The following ABTB3 variants were observed in gnomAD, a reference collection of about 807,000 sequenced individuals.
ABTB3 encodes the protein ankyrin repeat- and BTB/POZ domain-containing protein 3.
At chr12:107,444,252 T>C in the ABTB3 span, among the ~76,000 whole-genome samples, 1 of 152,320 alleles carries the variant, frequency 6.6e-6, no homozygotes, top group East Asian at 1.9e-4. Context: ...TTCTACAGCA[T>C]AGCCGAGGGG....
the ABTB3 span, among the ~76,000 whole-genome samples, chr12:107,560,687 A>G: frequency 2.6e-5 from 4 of 152,198 alleles, no homozygotes; most frequent in African/African-American, 9.6e-5. Context: ...GGGCTGCTCT[A>G]GGGATTGCCG....
the ABTB3 span, among the ~76,000 whole-genome samples, chr12:107,420,215 T>A: frequency 6.6e-6 from 1 of 152,198 alleles, no homozygotes; most frequent in South Asian, 2.1e-4. Context: ...TTCTTGATCT[T>A]TCTGATCCAC....
the ABTB3 span, among the ~76,000 whole-genome samples, chr12:107,454,686 C>T: frequency 6.6e-6 from 1 of 152,118 alleles, no homozygotes; most frequent in South Asian, 2.1e-4. Flanking sequence ...TGGGTGGGGT[C>T]CTTCCTGGGC....
the ABTB3 span, among the ~76,000 whole-genome samples, chr12:107,493,075 G>GAGAAA: frequency 1.5e-5 from 2 of 135,864 alleles, 1 homozygote; most frequent in Non-Finnish European, 3.1e-5. Context: ...CCAAGCCACA[G>GAGAAA]AGAAAAGAAA....
the ABTB3 span, among the ~76,000 whole-genome samples, chr12:107,458,152 C>G: frequency 6.6e-6 from 1 of 152,148 alleles, no homozygotes; most frequent in African/African-American, 2.4e-5. Context: ...TCTAATGTCC[C>G]CCTTTTTCCC....
chr12:107,614,528 G>A, the ABTB3 span, among the ~76,000 whole-genome samples: 1 of 152,086 alleles, frequency 6.6e-6, no homozygotes, highest in Non-Finnish European at 1.5e-5. Context: ...AAGTGTGGAT[G>A]GCATGGTAGT....
chr12:107,398,115 C>T, the ABTB3 span, among the ~76,000 whole-genome samples: 854 of 152,184 alleles, frequency 5.6e-3, 10 homozygotes, highest in African/African-American at 0.018. Context: ...AATTACAGAC[C>T]TTTCCATTAC....
chr12:107,649,158 A>G, the ABTB3 span: 2 of 1,537,686 alleles, frequency 1.3e-6, no homozygotes, highest in Non-Finnish European at 1.8e-6. Context: ...AATGGCTTTG[A>G]GATGATGCGT....
chr12:107,586,705 G>A, the ABTB3 span, among the ~76,000 whole-genome samples: 2 of 152,186 alleles, frequency 1.3e-5, no homozygotes, highest in African/African-American at 2.4e-5. Flanking sequence ...GAGACAGGCC[G>A]CGGAGCCTGC....
At chr12:107,474,828 T>A in the ABTB3 span, among the ~76,000 whole-genome samples, 1 of 151,984 alleles carries the variant, frequency 6.6e-6, no homozygotes, top group Non-Finnish European at 1.5e-5. Flanking sequence ...CCACTCCCAC[T>A]GAGTCATATT....
At chr12:107,411,301 C>T in the ABTB3 span, among the ~76,000 whole-genome samples, 1 of 151,988 alleles carries the variant, frequency 6.6e-6, no homozygotes, top group African/African-American at 2.4e-5. Flanking sequence ...TCCGTCTCCC[C>T]CCTCCAAAAA....
chr12:107,644,926 T>G, the ABTB3 span, among the ~76,000 whole-genome samples: 6 of 94,152 alleles, frequency 6.4e-5, no homozygotes, highest in Non-Finnish European at 1.3e-4. Flanking sequence ...TCATTCTTTA[T>G]GGCTGCATAG....
the ABTB3 span, among the ~76,000 whole-genome samples, chr12:107,401,338 G>A: frequency 2.6e-5 from 4 of 152,124 alleles, no homozygotes; most frequent in Non-Finnish European, 5.9e-5. Context: ...CTGTCTTTTC[G>A]GATGTCAGAC....
the ABTB3 span, among the ~76,000 whole-genome samples, chr12:107,454,251 G>A: frequency 4.5e-4 from 68 of 152,340 alleles, no homozygotes; most frequent in African/African-American, 1.6e-3. Flanking sequence ...GCCCCAAGCA[G>A]GGCAGTGTCC....
chr12:107,329,078 C>G, the ABTB3 span, among the ~76,000 whole-genome samples: 1 of 152,190 alleles, frequency 6.6e-6, no homozygotes, highest in Non-Finnish European at 1.5e-5. Context: ...CAGCTCCCCC[C>G]ATACCCTGCC....
At chr12:107,435,852 A>G in the ABTB3 span, among the ~76,000 whole-genome samples, 1 of 152,228 alleles carries the variant, frequency 6.6e-6, no homozygotes, top group South Asian at 2.1e-4. Context: ...TTCTGCACTG[A>G]TGGTAATGTT....
chr12:107,459,656 C>T, the ABTB3 span, among the ~76,000 whole-genome samples: 1 of 152,232 alleles, frequency 6.6e-6, no homozygotes, highest in Non-Finnish European at 1.5e-5. Flanking sequence ...GCAGATGCAA[C>T]AGCCCAGCGG....
At chr12:107,591,581 G>C in the ABTB3 span, among the ~76,000 whole-genome samples, 1 of 152,126 alleles carries the variant, frequency 6.6e-6, no homozygotes, top group African/African-American at 2.4e-5. Flanking sequence ...CTCCAACACA[G>C]GGAATTACAA....
the ABTB3 span, among the ~76,000 whole-genome samples, chr12:107,609,380 T>C: frequency 6.6e-6 from 1 of 152,246 alleles, no homozygotes; most frequent in African/African-American, 2.4e-5. Flanking sequence ...TTGTAGCACC[T>C]TCTTGATTCC....
Sources: allele counts gnomAD v4.1 joint callset (sites outside exome capture counted in the v4.1 genomes callset), GRCh38; gene constraint gnomAD v4.1.1; transcripts MANE v1.5; gene names NCBI Gene and HGNC (gene_info 2026-07-23, HGNC 2026-07-21).